BICDL1: variants seen among roughly 807,000 people sequenced by gnomAD.
BICDL1 encodes BICD family-like cargo adapter 1.
Under a neutral mutation model 76.8 loss-of-function variants are expected in BICDL1, and 20 were observed. The observed-to-expected ratio is 0.26, with a 90% CI of 0.18 to 0.38. BICDL1 has a LOEUF of 0.38. BICDL1 is among the 10% of genes least tolerant of loss of function. The pLI, the probability that BICDL1 is intolerant of heterozygous loss-of-function variation, is 1.00. For synonymous variants in BICDL1, 383 were observed against 337.1 expected (o/e 1.14, Z -1.49); for missense variants, 700 against 798.6 (o/e 0.88, Z 1.49).
intron 1 of BICDL1, among the ~76,000 whole-genome samples, chr12:119,995,477 T>C (rs948970209): frequency 6.6e-6 from 1 of 152,204 alleles, no homozygotes; most frequent in Non-Finnish European, 1.5e-5. Flanking sequence ...CACTAACAGC[T>C]GTTTGCTGAA....
At position 120,064,724 on chromosome 12, in the gene BICDL1, C is replaced by A; in HGVS notation, c.763-9C>A. On this transcript the variant is annotated splice_polypyrimidine_tract_variant and intron_variant, in intron 3 of 9. Coordinates refer to ENST00000548673, the MANE Select transcript of BICDL1 (RefSeq NM_001367886.1). ...TCCACACCACCCCTGTGGCTCTCCA[C>A]CCTTTCAGATCAAGATGCTGTCAGA... 2 of 1,601,692 alleles carry A rather than the reference C, an allele frequency of 1.2e-6. No individual in the cohort carries two copies. Among genetic ancestry groups the A allele is most frequent in the Non-Finnish European group, 8.5e-7 (1 of 1,174,484 alleles).
In BICDL1 at chr12:120,094,165, G is replaced by GCTCCTGCCTCTGCAGCCGCCC; in HGVS notation, c.*1010_*1030dup. The GCTCCTGCCTCTGCAGCCGCCC allele has an allele frequency of 2.2e-6, 1 of 447,656 alleles. No homozygotes were observed. Among genetic ancestry groups the GCTCCTGCCTCTGCAGCCGCCC allele is most frequent in the South Asian group, 1.6e-5 (1 of 63,954 alleles). The allele number at this position is 447,656 out of a possible 1,614,324, so 27.7% of individuals were successfully genotyped here. On this transcript the variant is annotated 3_prime_UTR_variant, in exon 10 of 10. Coordinates refer to ENST00000548673, the MANE Select transcript of BICDL1 (RefSeq NM_001367886.1). ...CCTGCAGAAGCCTGCAGTGGCTGCT[G>GCTCCTGCCTCTGCAGCCGCCC]CTCCTGCCTCTGCAGCCGCCCCTCC...
intron 8 of BICDL1, among the ~76,000 whole-genome samples, chr12:120,082,929 C>A (rs1412051252): frequency 1.3e-5 from 2 of 152,098 alleles, no homozygotes; most frequent in African/African-American, 4.8e-5. Context: ...CACCCATGCT[C>A]ACAGCTCACT....
chr12:120,043,120 C>T (rs554849223), intron 2 of BICDL1, among the ~76,000 whole-genome samples: 2 of 152,278 alleles, frequency 1.3e-5, no homozygotes, highest in African/African-American at 4.8e-5. Flanking sequence ...ATGGGGTTAA[C>T]AATGCTCATC....
rs767009132 is a variant in BICDL1 at position 120,093,113 on chromosome 12, C to T, written c.1818C>T (p.Pro606=). The stretch of plus-strand genomic sequence containing the variant: ...ACAGCGCTGGGCGGGGGGATGAGCC[C>T]AGCATCGCTGAAGGCAAACGACTCT... The part of the protein sequence containing the change: ...RGHSAGRGDE[P]SIAEGKRLFS... Residue 606 remains proline, a synonymous_variant, in exon 10 of 10, where the codon CCC becomes CCT. Transcript: ENST00000548673. 6 of 1,613,580 alleles carry T rather than the reference C, an allele frequency of 3.7e-6. No homozygotes were observed. The Admixed American group carries it at 5.0e-5, about 13-fold the overall frequency.
At chr12:120,054,557 G>C (rs1386254211) in intron 2 of BICDL1, among the ~76,000 whole-genome samples, 1 of 152,118 alleles carries the variant, frequency 6.6e-6, no homozygotes, top group Non-Finnish European at 1.5e-5. Context: ...GGAAATACTT[G>C]ATGGAATATT....
intron 2 of BICDL1, among the ~76,000 whole-genome samples, chr12:120,037,844 T>G (rs1881874895): frequency 6.6e-6 from 1 of 152,222 alleles, no homozygotes; most frequent in Non-Finnish European, 1.5e-5. Flanking sequence ...CCTTCCATCC[T>G]TCTCAGAAGT....
At chr12:120,073,564 C>T (rs971723572) in intron 6 of BICDL1, among the ~76,000 whole-genome samples, 2 of 152,196 alleles carry the variant, frequency 1.3e-5, no homozygotes, top group African/African-American at 4.8e-5. Flanking sequence ...TTCCCGTGGG[C>T]ATCCTGGGCA....
At chr12:120,081,114 A>C in intron 8 of BICDL1, 97 bp downstream of exon 8, 1 of 1,314,982 alleles carries the variant, frequency 7.6e-7, no homozygotes, top group Non-Finnish European at 1.0e-6. Flanking sequence ...ACAAAAGAAT[A>C]CAAAGGTAAA....
chr12:120,027,490 G>T (rs1952331303), intron 2 of BICDL1, among the ~76,000 whole-genome samples: 1 of 152,116 alleles, frequency 6.6e-6, no homozygotes, highest in East Asian at 1.9e-4. Flanking sequence ...CTTTTCTACA[G>T]GTAGGGAAAT....
intron 6 of BICDL1, among the ~76,000 whole-genome samples, chr12:120,073,721 T>G (rs1873296746): frequency 6.6e-6 from 1 of 152,182 alleles, no homozygotes; most frequent in African/African-American, 2.4e-5. Context: ...TAAAGTAATA[T>G]GAAGGGTAGC....
At chr12:119,991,262 A>G (rs1951517082) in intron 1 of BICDL1, among the ~76,000 whole-genome samples, 1 of 152,250 alleles carries the variant, frequency 6.6e-6, no homozygotes, top group South Asian at 2.1e-4. Flanking sequence ...ATTCTTAGTT[A>G]CAGCAAGACA....
intron 2 of BICDL1, among the ~76,000 whole-genome samples, chr12:120,028,534 G>A (rs924551320): frequency 6.6e-6 from 1 of 152,098 alleles, no homozygotes; most frequent in Non-Finnish European, 1.5e-5. Context: ...ACATTAGCCG[G>A]GCGTGGTGGC....
intron 2 of BICDL1, among the ~76,000 whole-genome samples, chr12:120,026,328 TTAACA>T (rs1341872851): frequency 6.6e-6 from 1 of 152,210 alleles, no homozygotes; most frequent in Non-Finnish European, 1.5e-5. Flanking sequence ...GAGGAAAATG[TTAACA>T]TTAACAGTTG....
rs1952687145 is a variant in BICDL1 at position 120,043,591 on chromosome 12, T to C, written c.646-18119T>C. ...AGGCTAAGTAAATCTACTTGAGCCA[T>C]GGAGATGACCTATAGGAGGAAATAG... On this transcript the variant is annotated intron_variant, in intron 2 of 9. Coordinates refer to ENST00000548673, the MANE Select transcript of BICDL1 (RefSeq NM_001367886.1). Among the ~76,000 whole-genome samples, 2 of 152,338 alleles carry C rather than the reference T, an allele frequency of 1.3e-5. 1 individual carries two copies. Among genetic ancestry groups the C allele is most frequent in the Non-Finnish European group, 2.9e-5 (2 of 68,036 alleles).
rs532138153 is a variant in BICDL1 at position 120,092,373 on chromosome 12, A to G, written c.1705-627A>G. ...AAATGGGCCTGATTTGGTGCAGGAC[A>G]GCCCCTGAAGACCGTGAGGCCCCTG... is the stretch of plus-strand genomic sequence containing the variant. On this transcript the variant is annotated intron_variant, in intron 9 of 9. Transcript: ENST00000548673. 24 of 985,488 alleles carry G rather than the reference A, an allele frequency of 2.4e-5. No homozygotes were observed. In the South Asian group the frequency reaches 2.8e-4, roughly 12 times the overall value. 61.0% of individuals were successfully genotyped at this position (985,488 alleles called of 1,614,324 possible). A position where few individuals can be genotyped will look rare whatever the true frequency, so the allele number is the denominator to read the frequency against.
At chr12:120,023,412 A>G (rs1194714365) in intron 2 of BICDL1, among the ~76,000 whole-genome samples, 1 of 152,180 alleles carries the variant, frequency 6.6e-6, no homozygotes, top group Admixed American at 6.5e-5. Context: ...TCCCATAATA[A>G]AGATCAAAAA....
At position 120,080,943 on chromosome 12, in the gene BICDL1, A is replaced by G. The variant is rs777077419; in HGVS notation, c.1509A>G (p.Arg503=). The part of the protein sequence containing the change: ...TALKEERDRL[R]VTSEDKEPKE... The stretch of plus-strand genomic sequence containing the variant: ...TAAAAGAGGAGAGAGACCGACTCAG[A>G]GTCACTTCTGAGGACAAGGAGCCAA... The change falls in exon 8 of 10, where the codon AGA becomes AGG. Residue 503 remains arginine (R), a synonymous_variant. Coordinates refer to ENST00000548673, the MANE Select transcript of BICDL1 (RefSeq NM_001367886.1). 6.2e-7 allele frequency: 1 copy of G among 1,613,938 alleles called. No individual in the cohort carries two copies. Among genetic ancestry groups the G allele is most frequent in the South Asian group, 1.1e-5 (1 of 91,068 alleles).
chr12:120,067,415 G>A lies in BICDL1; in HGVS notation c.909+2536G>A, dbSNP rs566622407. 7.2e-5 allele frequency among the ~76,000 whole-genome samples: 11 copies of A among 152,388 alleles called. No homozygotes were observed. In the South Asian group the frequency reaches 1.9e-3, roughly 26 times the overall value. On this transcript the variant is annotated intron_variant, in intron 4 of 9. Coordinates refer to ENST00000548673, the MANE Select transcript of BICDL1 (RefSeq NM_001367886.1). ...CCAGTTCCCTTAGATGAGCGTAAAT[G>A]TAGTGTACTGTACAAACACAAAGCA... is the stretch of plus-strand genomic sequence containing the variant.
Sources: gnomAD v4.1 joint callset for allele counts (sites outside exome capture counted in the v4.1 genomes callset) on GRCh38, gnomAD v4.1.1 for gene constraint, MANE v1.5 for transcripts, NCBI Gene and HGNC (gene_info 2026-07-23, HGNC 2026-07-21) for gene names.